VPS41: variants seen among roughly 807,000 people sequenced by gnomAD.
VPS41 encodes vacuolar protein sorting-associated protein 41 homolog.
In VPS41, 85 loss-of-function variants were observed where a neutral mutation model predicts 130.9. The observed-to-expected ratio is 0.65, with a 90% CI of 0.55 to 0.78. VPS41 has a LOEUF of 0.78. Ranked by LOEUF, VPS41 falls within the 30% of genes least tolerant of loss-of-function variation. The pLI, the probability that VPS41 is intolerant of heterozygous loss-of-function variation, is 0.00. For synonymous variants in VPS41, 335 were observed against 332.9 expected (o/e 1.01, Z -0.07); for missense variants, 874 against 1,018.7 (o/e 0.86, Z 1.93).
intron 4 of VPS41, among the ~76,000 whole-genome samples, chr7:38,836,423 G>C (rs1352170914): frequency 2.0e-5 from 3 of 152,020 alleles, no homozygotes; most frequent in African/African-American, 7.2e-5. Flanking sequence ...GGAGAGAAAA[G>C]CTAGTTAATA....
intron 4 of VPS41, among the ~76,000 whole-genome samples, chr7:38,852,340 C>G (rs2116268766): frequency 6.6e-6 from 1 of 152,270 alleles, no homozygotes; most frequent in South Asian, 2.1e-4. Context: ...CTTATAAAAC[C>G]TGACCCAGTC....
chr7:38,823,331 A>C (rs1428990518), intron 5 of VPS41, among the ~76,000 whole-genome samples: 1 of 152,206 alleles, frequency 6.6e-6, no homozygotes, highest in African/African-American at 2.4e-5. Flanking sequence ...TCTTGGAAGC[A>C]AGGAGAGCAG....
intron 2 of VPS41, among the ~76,000 whole-genome samples, chr7:38,874,488 C>G (rs529589302): frequency 6.6e-6 from 1 of 152,170 alleles, no homozygotes; most frequent in Non-Finnish European, 1.5e-5. Context: ...TGACCTTCAT[C>G]CTCTCCAGCT....
intron 4 of VPS41, among the ~76,000 whole-genome samples, chr7:38,844,014 AT>A (rs1470424862): frequency 6.6e-6 from 1 of 152,262 alleles, no homozygotes; most frequent in African/African-American, 2.4e-5. Flanking sequence ...ATTTATATGT[AT>A]AAGCAATGCT....
chr7:38,787,884 A>G (rs1478701021), intron 10 of VPS41, among the ~76,000 whole-genome samples: 1 of 152,206 alleles, frequency 6.6e-6, no homozygotes, highest in Non-Finnish European at 1.5e-5. Flanking sequence ...TTAACCATTA[A>G]CCATAGTAGT....
chr7:38,807,906 AC>A (rs1784871044), intron 7 of VPS41, among the ~76,000 whole-genome samples: 1 of 152,150 alleles, frequency 6.6e-6, no homozygotes, highest in African/African-American at 2.4e-5. Context: ...TAAGCACAGG[AC>A]TCTCCATATG....
At position 38,743,459 on chromosome 7, in the gene VPS41, C is replaced by T. The variant is rs200943194; in HGVS notation, c.2065G>A (p.Glu689Lys). 1 of 1,614,006 alleles carries T rather than the reference C, an allele frequency of 6.2e-7. No homozygotes were observed. Among genetic ancestry groups the T allele is most frequent in the Non-Finnish European group, 8.5e-7 (1 of 1,179,910 alleles). ...DVDKAIEFAK[E>K]QDDGELWEDL... The stretch of plus-strand genomic sequence containing the variant: ...TCCCACAGCTCTCCATCATCTTGCT[C>T]CTTGGCAAATTCGATTGCTTTATCA... Residue 689 changes from glutamate to lysine, a missense_variant, in exon 24 of 29, where the codon GAG (glutamate) becomes AAG (lysine). Transcript: ENST00000310301.
At chr7:38,880,481 A>G (rs1444384951) in intron 2 of VPS41, among the ~76,000 whole-genome samples, 1 of 152,196 alleles carries the variant, frequency 6.6e-6, no homozygotes, top group African/African-American at 2.4e-5. Flanking sequence ...GACTAAAAGT[A>G]GCCCATGACA....
chr7:38,784,946 A>G (rs1784414110), intron 10 of VPS41, among the ~76,000 whole-genome samples: 1 of 152,224 alleles, frequency 6.6e-6, no homozygotes, highest in South Asian at 2.1e-4. Flanking sequence ...AAATAAGGTG[A>G]CATCCCATAG....
chr7:38,830,479 T>C, intron 4 of VPS41, 151 bp from the exon 5 acceptor site: 1 of 663,372 alleles, frequency 1.5e-6, no homozygotes, highest in Non-Finnish European at 2.7e-6. Flanking sequence ...CAGTAGAAAC[T>C]ATGAGAAGAA....
intron 4 of VPS41, among the ~76,000 whole-genome samples, chr7:38,858,014 G>A (rs1290556551): frequency 6.6e-6 from 1 of 152,164 alleles, no homozygotes; most frequent in African/African-American, 2.4e-5. Flanking sequence ...GAGTACCTGG[G>A]TTACGATAAG....
chr7:38,863,511 G>A (rs532322854), intron 3 of VPS41, among the ~76,000 whole-genome samples: 12 of 152,144 alleles, frequency 7.9e-5, no homozygotes, highest in Admixed American at 6.5e-4. Context: ...CTTACAGAAA[G>A]TCAAGATTTA....
intron 4 of VPS41, among the ~76,000 whole-genome samples, chr7:38,845,870 G>A (rs1333680253): frequency 1.3e-5 from 2 of 152,198 alleles, no homozygotes; most frequent in Non-Finnish European, 2.9e-5. Context: ...CCGTATATAA[G>A]TAATCTGAAA....
chr7:38,789,722 G>A (rs991680244), intron 10 of VPS41, 79 bp downstream of exon 10: 7 of 1,404,190 alleles, frequency 5.0e-6, no homozygotes, highest in Non-Finnish European at 7.1e-6. Flanking sequence ...AAAGACTATG[G>A]CAGTCTGGGT....
At chr7:38,875,429 G>A (rs1435424307) in intron 2 of VPS41, among the ~76,000 whole-genome samples, 5 of 151,994 alleles carry the variant, frequency 3.3e-5, no homozygotes, top group Admixed American at 2.6e-4. Flanking sequence ...GCTTTGTATC[G>A]CCCACCACAC....
chr7:38,811,260 C>T (rs1028416669), intron 7 of VPS41, among the ~76,000 whole-genome samples: 1 of 152,032 alleles, frequency 6.6e-6, no homozygotes, highest in Non-Finnish European at 1.5e-5. Flanking sequence ...GTACATACCA[C>T]ACAACATGTA....
At position 38,767,609 on chromosome 7, in the gene VPS41, C is replaced by T. The variant is rs1196722554; in HGVS notation, c.1186-11G>A. The T allele has an allele frequency of 1.2e-6, 2 of 1,602,604 alleles. No homozygotes were observed. The highest frequency in any genetic ancestry group is 8.5e-7 in the Non-Finnish European group (1 of 1,172,654). ...TGCCAAGCCAATATCCTAGAGAAAG[C>T]CAAATGAAGAAATGTCAAAATTTAA... On this transcript the variant is annotated splice_polypyrimidine_tract_variant and intron_variant, in intron 14 of 28. Transcript: ENST00000310301.
intron 10 of VPS41, among the ~76,000 whole-genome samples, chr7:38,787,104 CTGACT>C (rs1238200591): frequency 6.6e-6 from 1 of 152,124 alleles, no homozygotes; most frequent in Non-Finnish European, 1.5e-5. Context: ...CCCTTTCTTC[CTGACT>C]TGTCATTCTA....
In VPS41 at chr7:38,728,796, T is replaced by G. The variant is rs533581882; in HGVS notation, c.2260-5A>C. 1.4e-5 allele frequency: 23 copies of G among 1,613,652 alleles called. 1 individual carries two copies. Among genetic ancestry groups the G allele is most frequent in the Middle Eastern group, 1.6e-4 (1 of 6,062 alleles). ...GCAGCCTTCACGAAGCAGAATCTAA[T>G]GCATACATTTTAAAAGAAAAGCCAT... is the stretch of plus-strand genomic sequence containing the variant. On this transcript the variant is annotated splice_polypyrimidine_tract_variant and splice_region_variant and intron_variant, in intron 25 of 28. Coordinates refer to ENST00000310301, the MANE Select transcript of VPS41 (RefSeq NM_014396.4).
Sources: gnomAD v4.1 joint callset for allele counts (sites outside exome capture counted in the v4.1 genomes callset) on GRCh38, gnomAD v4.1.1 for gene constraint, MANE v1.5 for transcripts, NCBI Gene and HGNC (gene_info 2026-07-23, HGNC 2026-07-21) for gene names.